Variants in DNM3 observed in about 807,000 individuals in gnomAD.
The protein encoded by DNM3 is dynamin-3.
DNM3 carries 47 observed loss-of-function variants against 101.6 expected under a neutral mutation model. The ratio of observed to expected loss-of-function variants is 0.46; its 90% CI spans 0.37 to 0.59. DNM3 has a LOEUF of 0.59. DNM3 is among the 20% of genes least tolerant of loss of function. The probability of loss-of-function intolerance (pLI) is 0.00; values close to 1 mark genes in which losing one functional copy is unlikely to be tolerated. For synonymous variants in DNM3, 385 were observed against 387.9 expected, an observed-to-expected ratio of 0.99 and a Z score of 0.09; for missense variants, 849 against 1,085.7, an observed-to-expected ratio of 0.78 and a Z score of 3.06.
rs368300860 is a variant in DNM3 at position 172,032,494 on chromosome 1, C to T, written c.682C>T (p.Arg228Cys). The change falls in exon 5 of 21, where the codon CGC becomes TGC. Residue 228 changes from arginine (R) to cysteine (C), a missense_variant. Physicochemically the swap from Arg to Cys is radical, Grantham distance 180. Around this residue, in one of 5 missense-constraint regions of DNM3, gnomAD observed 388 missense variants for 483.0 expected, o/e 0.80. Transcript: ENST00000627582. ...DVLENKLLPL[R>C]RGYVGVVNRS... is the part of the protein sequence containing the mutation. ...TCTAGAGAACAAACTGTTGCCTCTTCGCAGGGGTAATGTACTGTGGTCTAT... is the reference window on the plus strand; with the variant it reads ...TCTAGAGAACAAACTGTTGCCTCTTTGCAGGGGTAATGTACTGTGGTCTAT... 5.6e-5 allele frequency: 82 copies of T among 1,474,234 alleles called. No individual in the cohort carries two copies. In the African/African-American group the frequency reaches 7.3e-4, roughly 13 times the overall value. 91.3% of individuals were successfully genotyped at this position (1,474,234 alleles called of 1,614,324 possible).
chr1:171,994,244 T>C (rs2045839811), intron 4 of DNM3, among the ~76,000 whole-genome samples: 2 of 152,174 alleles, frequency 1.3e-5, no homozygotes, highest in Admixed American at 6.6e-5. Context: ...CTCTCTCCCT[T>C]CCAGTTTTTG....
intron 2 of DNM3, among the ~76,000 whole-genome samples, chr1:171,983,717 C>A (rs552467164): frequency 6.6e-6 from 1 of 152,086 alleles, no homozygotes; most frequent in Non-Finnish European, 1.5e-5. Flanking sequence ...TATATCTAGC[C>A]GTGAAGATAT....
chr1:172,016,571 A>C (rs2047468503), intron 4 of DNM3, among the ~76,000 whole-genome samples: 1 of 152,158 alleles, frequency 6.6e-6, no homozygotes, highest in African/African-American at 2.4e-5. Context: ...TTTTCTTTGA[A>C]TGTCTTTATA....
intron 12 of DNM3, among the ~76,000 whole-genome samples, chr1:172,082,696 T>TA (rs922405707): frequency 5.9e-5 from 9 of 152,152 alleles, no homozygotes; most frequent in Non-Finnish European, 1.2e-4. Flanking sequence ...CAGAGACAAA[T>TA]AAAAAAATGA....
chr1:172,373,583 TG>T (rs2068457406), intron 17 of DNM3, among the ~76,000 whole-genome samples: 1 of 152,122 alleles, frequency 6.6e-6, no homozygotes, highest in African/African-American at 2.4e-5. Flanking sequence ...CAGCCATAGT[TG>T]TTGATCTTTA....
At chr1:172,091,939 T>C (rs2053936950) in intron 12 of DNM3, among the ~76,000 whole-genome samples, 1 of 152,106 alleles carries the variant, frequency 6.6e-6, no homozygotes. Flanking sequence ...ATGTTAAATT[T>C]ATTATAAGAA....
intron 2 of DNM3, among the ~76,000 whole-genome samples, chr1:171,971,723 A>AACAAAG (rs2044008848): frequency 6.6e-6 from 1 of 152,174 alleles, no homozygotes; most frequent in Admixed American, 6.5e-5. Flanking sequence ...CAAAAACAAA[A>AACAAAG]ACAAAAAACC....
intron 2 of DNM3, among the ~76,000 whole-genome samples, chr1:171,925,347 C>T (rs1030754060): frequency 2.5e-4 from 38 of 152,136 alleles, no homozygotes; most frequent in African/African-American, 8.9e-4. Flanking sequence ...CCTGCCTCAG[C>T]CTCCCGAGTA....
intron 17 of DNM3, among the ~76,000 whole-genome samples, chr1:172,375,709 C>T (rs1232514395): frequency 6.6e-6 from 1 of 151,994 alleles, no homozygotes; most frequent in African/African-American, 2.4e-5. Flanking sequence ...CATTCCCTCA[C>T]CTGTTAAAGT....
chr1:172,305,403 C>T (rs536716233), intron 15 of DNM3, among the ~76,000 whole-genome samples: 12 of 152,208 alleles, frequency 7.9e-5, no homozygotes, highest in African/African-American at 2.6e-4. Flanking sequence ...AGCCTACCAA[C>T]CAAAAAAGTC....
intron 14 of DNM3, among the ~76,000 whole-genome samples, chr1:172,203,025 A>C (rs1013040456): frequency 4.6e-5 from 7 of 152,186 alleles, no homozygotes; most frequent in Admixed American, 3.9e-4. Flanking sequence ...GAATAGACAC[A>C]ATAACCATAT....
At chr1:172,080,989 G>C (rs1205158844) in intron 11 of DNM3, among the ~76,000 whole-genome samples, 2 of 152,156 alleles carry the variant, frequency 1.3e-5, no homozygotes, top group Non-Finnish European at 2.9e-5. Flanking sequence ...AGATGAGCCA[G>C]GTACCACAGT....
chr1:171,924,994 G>T (rs557398303), intron 2 of DNM3, among the ~76,000 whole-genome samples: 43 of 151,630 alleles, frequency 2.8e-4, no homozygotes, highest in African/African-American at 9.9e-4. Context: ...CTGCCTCCTG[G>T]GTTCAAGTGA....
intron 14 of DNM3, among the ~76,000 whole-genome samples, chr1:172,208,152 C>T (rs947807797): frequency 4.6e-5 from 7 of 152,046 alleles, no homozygotes; most frequent in African/African-American, 1.2e-4. Context: ...CTACAAATTG[C>T]AGTTTTTCCG....
intron 15 of DNM3, among the ~76,000 whole-genome samples, chr1:172,291,749 T>C (rs2063925521): frequency 6.6e-6 from 1 of 151,770 alleles, no homozygotes; most frequent in African/African-American, 2.4e-5. Flanking sequence ...CTGAAGTGAG[T>C]GCAGTCAGCA....
intron 15 of DNM3, among the ~76,000 whole-genome samples, chr1:172,302,609 C>T (rs1368494616): frequency 1.3e-5 from 2 of 152,156 alleles, no homozygotes; most frequent in South Asian, 2.1e-4. Flanking sequence ...CTGGGAGACA[C>T]CTCCCAGTAG....
intron 14 of DNM3, among the ~76,000 whole-genome samples, chr1:172,188,402 C>G (rs1558695954): frequency 1.3e-5 from 2 of 152,074 alleles, no homozygotes; most frequent in African/African-American, 4.8e-5. Flanking sequence ...GACTGGCTCT[C>G]TAACCAGGAA....
At chr1:171,997,356 G>A (rs1023282619) in intron 4 of DNM3, among the ~76,000 whole-genome samples, 10 of 152,144 alleles carry the variant, frequency 6.6e-5, no homozygotes, top group Non-Finnish European at 1.3e-4. Context: ...ATAGGTGAAA[G>A]AAGGTCTTAG....
Position 172,347,410 on chromosome 1 carries a change from G to A in DNM3, c.1893+24070G>A, listed in dbSNP as rs903117667. 2.6e-5 allele frequency among the ~76,000 whole-genome samples: 4 copies of A among 152,082 alleles called. No individual in the cohort carries two copies. The East Asian group carries it at 7.7e-4, about 29-fold the overall frequency. ...GATATTTACAATTTTGGAGTTACTA[G>A]GTACAGAAATAAAAAGTTGTTTAAT... On this transcript the variant is annotated intron_variant, in intron 17 of 20. Coordinates refer to ENST00000627582, the MANE Select transcript of DNM3 (RefSeq NM_015569.5).
Sources: gnomAD v4.1 joint callset for allele counts (sites outside exome capture counted in the v4.1 genomes callset) on GRCh38, gnomAD v4.1.1 for gene constraint, gnomAD v4.1.1 regional missense constraint, MANE v1.5 for transcripts, NCBI Gene and HGNC (gene_info 2026-07-23, HGNC 2026-07-21) for gene names.